Variants in OR10G4 observed in about 807,000 individuals in gnomAD.
OR10G4 encodes the protein olfactory receptor 10G4.
For missense variants in OR10G4, 318 were observed against 388.8 expected, an observed-to-expected ratio of 0.82 and a Z score of 1.53; for synonymous variants, 130 against 159.3, an observed-to-expected ratio of 0.82 and a Z score of 1.39.
rs1864018889 is a variant in OR10G4, at chr11:124,016,270, G to A, written c.696G>A (p.Gly232=). Residue 232 remains glycine (G), a synonymous_variant, in exon 2 of 2, where the codon GGG becomes GGA. Transcript: ENST00000641722. ...TCCTGCGGATCCGCACCTCAGATGG[G>A]AGGCGCAGAGCCTTTCAGACCTGTG... is the stretch of plus-strand genomic sequence containing the variant. ...CSILRIRTSD[G]RRRAFQTCAS... 1 of 1,614,078 alleles carries A rather than the reference G, an allele frequency of 6.2e-7. No individual in the cohort carries two copies. Among genetic ancestry groups the A allele is most frequent in the African/African-American group, 1.3e-5 (1 of 74,942 alleles).
At position 124,014,354 on chromosome 11, in the gene OR10G4, G is replaced by T. The variant is rs1863996765; in HGVS notation, c.-27-1194G>T. On this transcript the variant is annotated intron_variant, in intron 1 of 1. Coordinates refer to ENST00000641722, the MANE Select transcript of OR10G4 (RefSeq NM_001004462.2). ...TGAACTCTATCTAAGACAAAGAATG[G>T]CAAATCCATAACACTGCTGCGAGGC... Among the ~76,000 whole-genome samples the T allele has an allele frequency of 1.3e-5, 2 of 152,118 alleles. 1 individual carries two copies. Among genetic ancestry groups the T allele is most frequent in the Admixed American group, 1.3e-4 (2 of 15,274 alleles).
At position 124,015,930 on chromosome 11, in the gene OR10G4, A is replaced by G. The variant is rs145402242; in HGVS notation, c.356A>G (p.Tyr119Cys). The stretch of plus-strand genomic sequence containing the variant: ...TGTTTCCTCTACACAGTCATGTCCT[A>G]TGATCGCTACTTGGCCATCAGTTAC... ...TECFLYTVMS[Y>C]DRYLAISYPL... Residue 119 changes from tyrosine to cysteine, a missense_variant, in exon 2 of 2, where the codon TAT (tyrosine) becomes TGT (cysteine). By Grantham distance (194) the Tyr-to-Cys change is radical. Coordinates refer to ENST00000641722, the MANE Select transcript of OR10G4 (RefSeq NM_001004462.2). 46 of 1,613,550 alleles carry G rather than the reference A, an allele frequency of 2.9e-5. No individual in the cohort carries two copies. The highest frequency in any genetic ancestry group is 1.6e-4 in the Middle Eastern group (1 of 6,080).
At chr11:124,014,942 A>G (rs2137552507) in intron 1 of OR10G4, 1 of 153,996 alleles carries the variant, frequency 6.5e-6, no homozygotes, top group African/African-American at 2.4e-5. Flanking sequence ...AGTAAACTGG[A>G]CAGAGATTCT....
In OR10G4 at chr11:124,015,633, G is replaced by C. The variant is rs372613966; in HGVS notation, c.59G>C (p.Gly20Ala). The change falls in exon 2 of 2, where the codon GGG (glycine) becomes GCG (alanine). Residue 20 changes from glycine (G) to alanine (A), a missense_variant. By Grantham distance (60) the Gly-to-Ala change is moderately conservative. Transcript: ENST00000641722. ...FILTGLPHAPGLDALLFGIFL... is the reference protein window; with the variant it reads ...FILTGLPHAPALDALLFGIFL... ...CTCACAGGCCTTCCCCATGCCCCAGGGCTGGACGCCCTCCTCTTTGGAATC... is the reference window on the plus strand; with the variant it reads ...CTCACAGGCCTTCCCCATGCCCCAGCGCTGGACGCCCTCCTCTTTGGAATC... 1.9e-6 allele frequency: 3 copies of C among 1,604,220 alleles called. No homozygotes were observed. Among genetic ancestry groups the C allele is most frequent in the East Asian group, 2.2e-5 (1 of 44,808 alleles).
At chr11:124,013,148 C>G (rs1273187492) in intron 1 of OR10G4, 36 bp downstream of exon 1, 1 of 152,200 alleles carries the variant, frequency 6.6e-6, no homozygotes, top group Non-Finnish European at 1.5e-5. Flanking sequence ...AACTTATTTT[C>G]TCTATCTTCC....
intron 1 of OR10G4, chr11:124,014,825 C>G (rs1288220250): frequency 6.6e-6 from 1 of 152,126 alleles, no homozygotes; most frequent in Non-Finnish European, 1.5e-5. Context: ...TAAATTCCTG[C>G]CCACTGGTGT....
chr11:124,015,514 A>G, intron 1 of OR10G4, 34 bp from the exon 2 acceptor site: 4 of 1,542,728 alleles, frequency 2.6e-6, no homozygotes, highest in Non-Finnish European at 3.5e-6. Flanking sequence ...TTCTCAATTA[A>G]GTGCTAAATG....
At chr11:124,015,108 T>C (rs1428768880) in intron 1 of OR10G4, 1 of 172,726 alleles carries the variant, frequency 5.8e-6, no homozygotes. Context: ...AAGAATGGGA[T>C]ACTGCCAACA....
intron 1 of OR10G4, chr11:124,015,344 T>G (rs1314034996): frequency 3.4e-6 from 2 of 587,902 alleles, no homozygotes; most frequent in Non-Finnish European, 6.1e-6. Flanking sequence ...TCTGCATGTG[T>G]GTCTCTGTGT....
Position 124,015,451 on chromosome 11 carries a change from C to T in OR10G4, c.-27-97C>T, listed in dbSNP as rs564426030. 3.9e-5 allele frequency: 47 copies of T among 1,195,958 alleles called. No individual in the cohort carries two copies. In the Middle Eastern group the frequency reaches 1.4e-3, roughly 36 times the overall value. The allele number at this position is 1,195,958 out of a possible 1,614,324, so 74.1% of individuals were successfully genotyped here. On this transcript the variant is annotated intron_variant, in intron 1 of 1. Transcript: ENST00000641722. ...GTAACAAGCGAAGTGCAGGATAACT[C>T]CAGAATTATCTACCTGGTTGATGCA...
chr11:124,014,466 C>T (rs545226110), intron 1 of OR10G4, among the ~76,000 whole-genome samples: 7 of 152,282 alleles, frequency 4.6e-5, no homozygotes, highest in South Asian at 2.1e-4. Context: ...TGATCCCTTG[C>T]GCTTCCCAGA....
intron 1 of OR10G4, 84 bp from the exon 2 acceptor site, chr11:124,015,464 C>A: frequency 4.7e-6 from 6 of 1,271,270 alleles, no homozygotes; most frequent in Non-Finnish European, 6.6e-6. Context: ...GAATTATCTA[C>A]CTGGTTGATG....
chr11:124,016,245 T>A lies in OR10G4; in HGVS notation c.671T>A (p.Ile224Asn), dbSNP rs775433857. The A allele has an allele frequency of 1.2e-6, 2 of 1,614,238 alleles. No individual in the cohort carries two copies. The highest frequency in any genetic ancestry group is 2.2e-5 in the South Asian group (2 of 91,084). ...TCCTATGTGTCCATCGTCTGTTCCATCCTGCGGATCCGCACCTCAGATGGG... is the reference window on the plus strand; with the variant it reads ...TCCTATGTGTCCATCGTCTGTTCCAACCTGCGGATCCGCACCTCAGATGGG... ...VLSYVSIVCSILRIRTSDGRR... is the reference protein window; with the variant it reads ...VLSYVSIVCSNLRIRTSDGRR... The change falls in exon 2 of 2, where the codon ATC (isoleucine) becomes AAC (asparagine). Residue 224 changes from isoleucine to asparagine, a missense_variant. Ile to Asn is a moderately radical substitution (Grantham distance 149). Coordinates refer to ENST00000641722, the MANE Select transcript of OR10G4 (RefSeq NM_001004462.2).
chr11:124,016,038 C>T lies in OR10G4; in HGVS notation c.464C>T (p.Ser155Phe), dbSNP rs965530585. 2 of 1,613,848 alleles carry T rather than the reference C, an allele frequency of 1.2e-6. No individual in the cohort carries two copies. Among genetic ancestry groups the T allele is most frequent in the Non-Finnish European group, 1.7e-6 (2 of 1,179,880 alleles). The change falls in exon 2 of 2, where the codon TCT becomes TTT. Residue 155 changes from serine (S) to phenylalanine (F), a missense_variant. By Grantham distance (155) the Ser-to-Phe change is radical. Transcript: ENST00000641722. ...ACTTGGCTCAGTGGCTCTCTGCACT[C>T]TGCTGTCCAGACCATATTGACTTTC... Reference protein sequence around the residue: ...TGTWLSGSLHSAVQTILTFHL... With the variant: ...TGTWLSGSLHFAVQTILTFHL...
rs145730171 is a variant in OR10G4, at chr11:124,016,275, G to A, written c.701G>A (p.Arg234His). 1.8e-4 allele frequency: 291 copies of A among 1,613,970 alleles called. 1 individual carries two copies. Among genetic ancestry groups the A allele is most frequent in the South Asian group, 2.4e-4 (22 of 91,064 alleles). ...CGGATCCGCACCTCAGATGGGAGGC[G>A]CAGAGCCTTTCAGACCTGTGCCTCC... ...ILRIRTSDGR[R>H]RAFQTCASHC... is the part of the protein sequence containing the mutation. The change falls in exon 2 of 2, where the codon CGC (arginine) becomes CAC (histidine). Residue 234 changes from arginine (R) to histidine (H), a missense_variant. Arg to His is a conservative substitution (Grantham distance 29, BLOSUM62 0). Transcript: ENST00000641722.
Position 124,016,482 on chromosome 11 carries a change from A to T in OR10G4, c.908A>T (p.Asp303Val), listed in dbSNP as rs761543245. Residue 303 changes from aspartate to valine, a missense_variant, in exon 2 of 2, where the codon GAC becomes GTC. Physicochemically the swap from Asp to Val is radical, Grantham distance 152. Coordinates refer to ENST00000641722, the MANE Select transcript of OR10G4 (RefSeq NM_001004462.2). The stretch of plus-strand genomic sequence containing the variant: ...AAGAAAGCTGTGTTGAAACTTAGAG[A>T]CAAAGTAGCACATCCTCAGAGGAAA... Reference protein sequence around the residue: ...EVKKAVLKLRDKVAHPQRK With the variant: ...EVKKAVLKLRVKVAHPQRK 1.3e-6 allele frequency: 2 copies of T among 1,598,742 alleles called. No individual in the cohort carries two copies. Among genetic ancestry groups the T allele is most frequent in the East Asian group, 4.5e-5 (2 of 44,726 alleles).
intron 1 of OR10G4, among the ~76,000 whole-genome samples, chr11:124,014,193 C>T: frequency 6.6e-6 from 1 of 152,118 alleles, no homozygotes; most frequent in African/African-American, 2.4e-5. Flanking sequence ...AGATTCTTAC[C>T]TTCTCTAAGA....
In OR10G4 at chr11:124,016,112, G is replaced by A. The variant is rs150347384; in HGVS notation, c.538G>A (p.Ala180Thr). 5.9e-3 allele frequency: 9,475 copies of A among 1,613,926 alleles called. 33 individuals carry two copies. The highest frequency in any genetic ancestry group is 7.0e-3 in the Non-Finnish European group (8,305 of 1,179,868). Residue 180 changes from alanine to threonine, a missense_variant, in exon 2 of 2, where the codon GCA (alanine) becomes ACA (threonine). Ala to Thr is a moderately conservative substitution (Grantham distance 58). Transcript: ENST00000641722. ...PNQIQHYFCD[A>T]PPILKLACAD... ...CCAGATCCAGCACTACTTCTGTGAC[G>A]CACCGCCCATCCTGAAACTGGCCTG...
intron 1 of OR10G4, chr11:124,014,874 C>G (rs1261653580): frequency 6.6e-6 from 1 of 152,500 alleles, no homozygotes; most frequent in African/African-American, 2.4e-5. Context: ...TGCATGGGAC[C>G]TGTGACTATG....
Sources: gnomAD v4.1 joint callset for allele counts (sites outside exome capture counted in the v4.1 genomes callset) on GRCh38, gnomAD v4.1.1 for gene constraint, MANE v1.5 for transcripts, NCBI Gene and HGNC (gene_info 2026-07-23, HGNC 2026-07-21) for gene names.